Variants in KCNJ6 observed in about 807,000 individuals in gnomAD.
KCNJ6 encodes potassium inwardly rectifying channel subfamily J member 6.
A neutral mutation model predicts 34.2 loss-of-function variants in KCNJ6; 9 were observed. The observed-to-expected ratio is 0.26, with a 90% CI of 0.16 to 0.46. KCNJ6 has a LOEUF of 0.46. Ranked by LOEUF, KCNJ6 falls within the 20% of genes least tolerant of loss-of-function variation. KCNJ6 has a pLI of 1.00. For synonymous variants in KCNJ6, 196 were observed against 207.1 expected (o/e 0.95, Z 0.46); for missense variants, 236 against 531.3 (o/e 0.44, Z 5.46).
chr21:37,684,879 G>A (rs1321939983), intron 3 of KCNJ6, among the ~76,000 whole-genome samples: 2 of 152,138 alleles, frequency 1.3e-5, no homozygotes, highest in African/African-American at 4.8e-5. Flanking sequence ...GAATAGAGAA[G>A]GCCTTTCCAA....
chr21:37,642,068 T>C (rs2054383246), intron 3 of KCNJ6, among the ~76,000 whole-genome samples: 1 of 152,218 alleles, frequency 6.6e-6, no homozygotes, highest in Non-Finnish European at 1.5e-5. Flanking sequence ...GTTTTGGACA[T>C]GTTTACATTG....
chr21:37,666,898 A>G (rs556913997), intron 3 of KCNJ6, among the ~76,000 whole-genome samples: 14 of 151,604 alleles, frequency 9.2e-5, no homozygotes, highest in African/African-American at 3.4e-4. Context: ...ACTCAGGGTT[A>G]AATGGATTAA....
intron 1 of KCNJ6, among the ~76,000 whole-genome samples, chr21:37,886,343 C>T (rs990944428): frequency 1.3e-5 from 2 of 152,144 alleles, no homozygotes; most frequent in Admixed American, 1.3e-4. Flanking sequence ...CTCAGTGTTG[C>T]CTGGTGACAG....
At chr21:37,807,314 G>A (rs540969873) in intron 2 of KCNJ6, among the ~76,000 whole-genome samples, 1 of 152,268 alleles carries the variant, frequency 6.6e-6, no homozygotes, top group South Asian at 2.1e-4. Flanking sequence ...GAACAGAAAA[G>A]TACAAGCTAT....
At position 37,727,805 on chromosome 21, in the gene KCNJ6, CACAA is replaced by C. The variant is rs200035128; in HGVS notation, c.26-12678_26-12675del. ...GAGACAGTTCTCTTAGGGTTTGTATCACAAACAAGCCTCAAACTGGCTCATTTTT... is the reference window on the plus strand; with the variant it reads ...GAGACAGTTCTCTTAGGGTTTGTATCACAAGCCTCAAACTGGCTCATTTTT... On this transcript the variant is annotated intron_variant, in intron 2 of 3. Transcript: ENST00000609713. Among the ~76,000 whole-genome samples, 830 of 152,160 alleles carry C rather than the reference CACAA, an allele frequency of 5.5e-3. 11 individuals are homozygous for C. The highest frequency in any genetic ancestry group is 0.018 in the African/African-American group (755 of 41,510).
At chr21:37,656,626 G>T (rs887222077) in intron 3 of KCNJ6, among the ~76,000 whole-genome samples, 3 of 152,218 alleles carry the variant, frequency 2.0e-5, no homozygotes, top group African/African-American at 7.2e-5. Flanking sequence ...GCTGGGGCTG[G>T]CATGGGACAC....
intron 2 of KCNJ6, among the ~76,000 whole-genome samples, chr21:37,817,355 G>C (rs2123549698): frequency 6.6e-6 from 1 of 152,288 alleles, no homozygotes; most frequent in Non-Finnish European, 1.5e-5. Flanking sequence ...ATTCATCATA[G>C]AGGATTATTG....
At chr21:37,683,779 G>A (rs910259180) in intron 3 of KCNJ6, among the ~76,000 whole-genome samples, 1 of 152,152 alleles carries the variant, frequency 6.6e-6, no homozygotes, top group African/African-American at 2.4e-5. Flanking sequence ...CTGGGGCCAG[G>A]CTTCTTTCTT....
chr21:37,760,867 C>T (rs554510530), intron 2 of KCNJ6, among the ~76,000 whole-genome samples: 51 of 151,958 alleles, frequency 3.4e-4, no homozygotes, highest in Non-Finnish European at 6.3e-4. Flanking sequence ...ATTCTGGAGG[C>T]GGGGTGGGGA....
intron 3 of KCNJ6, among the ~76,000 whole-genome samples, chr21:37,672,116 T>C (rs1263487896): frequency 6.6e-6 from 1 of 152,192 alleles, no homozygotes; most frequent in Non-Finnish European, 1.5e-5. Flanking sequence ...CTAGGAGGGA[T>C]TGACCCCATC....
chr21:37,812,481 C>A (rs2055327696), intron 2 of KCNJ6, among the ~76,000 whole-genome samples: 1 of 152,070 alleles, frequency 6.6e-6, no homozygotes, highest in Non-Finnish European at 1.5e-5. Context: ...AACTACACAC[C>A]AAAATCTCTG....
intron 2 of KCNJ6, among the ~76,000 whole-genome samples, chr21:37,837,488 A>G (rs560489883): frequency 5.9e-5 from 9 of 152,296 alleles, no homozygotes; most frequent in African/African-American, 2.2e-4. Context: ...AGAAGAAGAC[A>G]TTCCTTTCCC....
intron 2 of KCNJ6, among the ~76,000 whole-genome samples, chr21:37,787,173 A>G (rs1469734477): frequency 6.6e-6 from 1 of 152,216 alleles, no homozygotes; most frequent in Non-Finnish European, 1.5e-5. Flanking sequence ...TAGAAATTTG[A>G]CATCTCCCGT....
chr21:37,745,011 C>T (rs1032688153), intron 2 of KCNJ6, among the ~76,000 whole-genome samples: 3 of 146,588 alleles, frequency 2.0e-5, no homozygotes, highest in Non-Finnish European at 1.5e-5. Flanking sequence ...AAGAGGGAGA[C>T]AGCAGAAGAG....
chr21:37,727,894 G>GCAACAA (rs34175609), intron 2 of KCNJ6, among the ~76,000 whole-genome samples: 3 of 151,852 alleles, frequency 2.0e-5, no homozygotes, highest in South Asian at 2.1e-4. Context: ...TCTGCATCTA[G>GCAACAA]CAACAACAAC....
In KCNJ6 at chr21:37,699,021, TA is replaced by T. The variant is rs200831292; in HGVS notation, c.946+15189del. On this transcript the variant is annotated intron_variant, in intron 3 of 3. Transcript: ENST00000609713. ...GCTAATTTTGCCATTTTAAAATGGT[TA>T]AAAAAAAATCCAAAGTGAAGAATAA... 1.5e-3 allele frequency among the ~76,000 whole-genome samples: 228 copies of T among 151,546 alleles called. 1 individual carries two copies. The highest frequency in any genetic ancestry group is 2.7e-3 in the Non-Finnish European group (185 of 67,850).
intron 3 of KCNJ6, among the ~76,000 whole-genome samples, chr21:37,694,645 T>C (rs1459672540): frequency 6.6e-6 from 1 of 152,170 alleles, no homozygotes; most frequent in African/African-American, 2.4e-5. Context: ...CCCTTTATTA[T>C]TGCTCTGATT....
At chr21:37,655,218 TGTGTGTGAGAGAGAGAGAGAGAGA>T (rs1267129055) in intron 3 of KCNJ6, among the ~76,000 whole-genome samples, 1,551 of 13,860 alleles carry the variant, frequency 0.11, 29 homozygotes, top group Non-Finnish European at 0.2. Context: ...TGTGTGTGTG[TGTGTGTGAGAGAGAGAGAGAGAGA>T]GAGAGAGAGA....
rs779033563 is a variant in KCNJ6 at position 37,714,093 on chromosome 21, G to T, written c.946+118C>A. 6 of 747,306 alleles carry T rather than the reference G, an allele frequency of 8.0e-6. No homozygotes were observed. The East Asian group carries it at 1.2e-4, about 15-fold the overall frequency. 46.3% of individuals were successfully genotyped at this position (747,306 alleles called of 1,614,324 possible). A position where few individuals can be genotyped will look rare whatever the true frequency, so the allele number is the denominator to read the frequency against. On this transcript the variant is annotated intron_variant, in intron 3 of 3. Transcript: ENST00000609713. The surrounding 1 kb of genome is among the most constrained non-coding windows in gnomAD (Gnocchi z 5.9). Reference sequence around the variant, plus strand: ...GGCATACTATGTCATGAAGCAAGGGGATGTTGTCAATATTGAGTGAGGTTC... The same window carrying T: ...GGCATACTATGTCATGAAGCAAGGGTATGTTGTCAATATTGAGTGAGGTTC...
Sources: gnomAD v4.1 joint callset for allele counts (sites outside exome capture counted in the v4.1 genomes callset) on GRCh38, gnomAD v4.1.1 for gene constraint, Gnocchi (gnomAD v3.1) non-coding constraint, MANE v1.5 for transcripts, NCBI Gene and HGNC (gene_info 2026-07-23, HGNC 2026-07-21) for gene names.